Variants in OSTF1 observed in about 807,000 individuals in gnomAD.
OSTF1 encodes osteoclast-stimulating factor 1.
In OSTF1, 27 loss-of-function variants were observed where a neutral mutation model predicts 37.2. The observed-to-expected ratio is 0.73, with a 90% CI of 0.54 to 1.00. The LOEUF is 1.00. OSTF1 is among the 50% of genes least tolerant of loss of function. The pLI, the probability that OSTF1 is intolerant of heterozygous loss-of-function variation, is 0.00. For synonymous variants in OSTF1, 82 were observed against 89.2 expected (o/e 0.92, Z 0.46); for missense variants, 232 against 253.8 (o/e 0.91, Z 0.58).
intron 2 of OSTF1, among the ~76,000 whole-genome samples, chr9:75,118,712 CAA>C (rs989828691): frequency 5.9e-5 from 9 of 152,098 alleles, no homozygotes; most frequent in East Asian, 1.9e-4. Flanking sequence ...TGGCAGCAGA[CAA>C]GAGAGAATGA....
chr9:75,139,648 C>A (rs1261028755), intron 8 of OSTF1, among the ~76,000 whole-genome samples: 2 of 152,204 alleles, frequency 1.3e-5, no homozygotes, highest in African/African-American at 4.8e-5. Context: ...GTCTTGAACT[C>A]CTGACCTCAA....
intron 8 of OSTF1, among the ~76,000 whole-genome samples, chr9:75,139,574 A>G (rs7853141): frequency 0.069 from 10,487 of 152,054 alleles, 576 homozygotes; most frequent in African/African-American, 0.15. Context: ...GATTACAGGC[A>G]TGCGCCACCA....
At chr9:75,112,278 AT>A (rs1825405152) in intron 1 of OSTF1, among the ~76,000 whole-genome samples, 1 of 152,184 alleles carries the variant, frequency 6.6e-6, no homozygotes, top group African/African-American at 2.4e-5. Context: ...ATTCAGTATT[AT>A]TATTATTGTT....
intron 1 of OSTF1, among the ~76,000 whole-genome samples, chr9:75,106,652 A>C (rs560817638): frequency 1.3e-5 from 2 of 148,470 alleles, no homozygotes; most frequent in African/African-American, 5.1e-5. Context: ...TCTCGAAAAA[A>C]AAAAAAAAAA....
At chr9:75,131,903 C>G in intron 5 of OSTF1, 80 bp downstream of exon 5, 4 of 966,798 alleles carry the variant, frequency 4.1e-6, no homozygotes, top group Non-Finnish European at 6.6e-6. Flanking sequence ...AGTGCATACA[C>G]CCACGTAACC....
chr9:75,127,130 A>G (rs1587463864), intron 2 of OSTF1, among the ~76,000 whole-genome samples: 1 of 152,244 alleles, frequency 6.6e-6, no homozygotes, highest in African/African-American at 2.4e-5. Context: ...AGCAGATAGC[A>G]GATGTTGATC....
In OSTF1 at chr9:75,117,021, T is replaced by C. The variant is rs570735156; in HGVS notation, c.35-483T>C. Reference sequence around the variant, plus strand: ...TGACAGTAGTTGCTGCTGCTACTTATATATTTTTCTATGTAGTCACATTGA... The same window carrying C: ...TGACAGTAGTTGCTGCTGCTACTTACATATTTTTCTATGTAGTCACATTGA... On this transcript the variant is annotated intron_variant, in intron 1 of 9. Transcript: ENST00000346234. 7.9e-5 allele frequency among the ~76,000 whole-genome samples: 12 copies of C among 152,318 alleles called. No individual in the cohort carries two copies. The East Asian group carries it at 1.5e-3, about 20-fold the overall frequency.
At chr9:75,110,163 C>T (rs1198175499) in intron 1 of OSTF1, among the ~76,000 whole-genome samples, 1 of 152,108 alleles carries the variant, frequency 6.6e-6, no homozygotes, top group Non-Finnish European at 1.5e-5. Context: ...TGGACAAATG[C>T]GTAATGGCAG....
At chr9:75,092,137 T>C (rs535979311) in intron 1 of OSTF1, among the ~76,000 whole-genome samples, 5 of 152,316 alleles carry the variant, frequency 3.3e-5, no homozygotes, top group Middle Eastern at 3.4e-3. Flanking sequence ...CTGGAAGATA[T>C]TAAAAACAAG....
chr9:75,120,404 G>A (rs1344472324), intron 2 of OSTF1, among the ~76,000 whole-genome samples: 1 of 152,054 alleles, frequency 6.6e-6, no homozygotes, highest in Non-Finnish European at 1.5e-5. Context: ...ACCCTGAGAG[G>A]GATAAAAGTG....
intron 8 of OSTF1, among the ~76,000 whole-genome samples, chr9:75,139,229 T>TCGCCATGTTA (rs147701001): frequency 0.085 from 12,712 of 150,354 alleles, 725 homozygotes; most frequent in Middle Eastern, 0.16. Context: ...AGATGGAGTT[T>TCGCCATGTTA]CGCCATGTTA....
At chr9:75,137,842 A>G (rs948523149) in intron 8 of OSTF1, among the ~76,000 whole-genome samples, 2 of 152,220 alleles carry the variant, frequency 1.3e-5, no homozygotes, top group Admixed American at 6.5e-5. Flanking sequence ...CTTTAACATT[A>G]CATATATTAC....
intron 1 of OSTF1, among the ~76,000 whole-genome samples, chr9:75,107,238 T>C (rs370550804): frequency 4.3e-4 from 66 of 152,304 alleles, no homozygotes; most frequent in African/African-American, 1.5e-3. Flanking sequence ...GAAAACATCC[T>C]GTTTCATCAT....
At chr9:75,116,011 G>T (rs369671320) in intron 1 of OSTF1, among the ~76,000 whole-genome samples, 2 of 152,104 alleles carry the variant, frequency 1.3e-5, no homozygotes, top group East Asian at 3.8e-4. Flanking sequence ...GGCTGAGGCA[G>T]GAGAATCTCT....
intron 8 of OSTF1, among the ~76,000 whole-genome samples, chr9:75,138,581 G>T (rs1825879177): frequency 6.6e-6 from 1 of 152,164 alleles, no homozygotes; most frequent in Non-Finnish European, 1.5e-5. Flanking sequence ...TGTTGGTTAT[G>T]TGTTGAAATG....
intron 3 of OSTF1, among the ~76,000 whole-genome samples, chr9:75,128,878 T>C (rs1458684370): frequency 1.3e-5 from 2 of 151,898 alleles, no homozygotes; most frequent in Non-Finnish European, 2.9e-5. Flanking sequence ...GTATTTTATC[T>C]AAAATAAAAC....
At chr9:75,124,258 T>G (rs747122265) in intron 2 of OSTF1, among the ~76,000 whole-genome samples, 10 of 152,248 alleles carry the variant, frequency 6.6e-5, no homozygotes, top group Non-Finnish European at 1.3e-4. Flanking sequence ...CCTCAAGCGT[T>G]TATCGTTTGT....
intron 1 of OSTF1, among the ~76,000 whole-genome samples, chr9:75,115,059 C>CT (rs1182792022): frequency 6.6e-6 from 1 of 152,094 alleles, no homozygotes; most frequent in Admixed American, 6.5e-5. Flanking sequence ...TCTATATAAA[C>CT]GCATGTGGAT....
chr9:75,108,845 C>T (rs1230587275), intron 1 of OSTF1, among the ~76,000 whole-genome samples: 2 of 152,044 alleles, frequency 1.3e-5, no homozygotes, highest in African/African-American at 2.4e-5. Flanking sequence ...TTCTACAGAC[C>T]TTGTTTTAGA....
Sources: gnomAD v4.1 joint callset for allele counts (sites outside exome capture counted in the v4.1 genomes callset) on GRCh38, gnomAD v4.1.1 for gene constraint, MANE v1.5 for transcripts, NCBI Gene and HGNC (gene_info 2026-07-23, HGNC 2026-07-21) for gene names.